The following AP3M2 variants were observed in gnomAD, a reference collection of about 807,000 sequenced individuals.
The protein encoded by AP3M2 is AP-3 complex subunit mu-2.
In AP3M2, 28 loss-of-function variants were observed where a neutral mutation model predicts 41.6. The ratio of observed to expected loss-of-function variants is 0.67; its 90% CI spans 0.50 to 0.92. AP3M2 has a LOEUF of 0.92. Ranked by LOEUF, AP3M2 falls within the 40% of genes least tolerant of loss-of-function variation. The probability of loss-of-function intolerance (pLI) is 0.00; values close to 1 mark genes in which losing one functional copy is unlikely to be tolerated. For synonymous variants in AP3M2, 193 were observed against 186.4 expected (o/e 1.04, Z -0.29); for missense variants, 427 against 521.4 (o/e 0.82, Z 1.76).
intron 7 of AP3M2, 21 bp downstream of exon 7, chr8:42,167,392 T>G (rs776081502): frequency 1.2e-6 from 2 of 1,610,778 alleles, no homozygotes; most frequent in Non-Finnish European, 1.7e-6. Context: ...GCAGGACATC[T>G]TGAATTGCTG....
intron 3 of AP3M2, among the ~76,000 whole-genome samples, chr8:42,161,601 T>TCGC (rs1417136890): frequency 6.6e-6 from 1 of 152,154 alleles, no homozygotes; most frequent in Non-Finnish European, 1.5e-5. Context: ...AGAGCGAGAC[T>TCGC]CTATCTAAAA....
chr8:42,155,890 T>C (rs1187920171), intron 2 of AP3M2: 3 of 431,094 alleles, frequency 7.0e-6, no homozygotes, highest in Non-Finnish European at 1.4e-5. Flanking sequence ...TTCCTTCTCT[T>C]GTACTCATAT....
At chr8:42,156,758 GTTCAGT>G (rs1347049066) in intron 2 of AP3M2, among the ~76,000 whole-genome samples, 1 of 152,054 alleles carries the variant, frequency 6.6e-6, no homozygotes, top group Non-Finnish European at 1.5e-5. Flanking sequence ...AGTAGAGTCT[GTTCAGT>G]TTTGGATGTC....
rs16891067 is a variant in AP3M2, at chr8:42,166,837, C to T, written c.804-327C>T. 2,403 of 289,216 alleles carry T rather than the reference C, an allele frequency of 8.3e-3. 55 individuals carry two copies. Among genetic ancestry groups the T allele is most frequent in the African/African-American group, 0.049 (2,272 of 46,186 alleles). 17.9% of individuals were successfully genotyped at this position (289,216 alleles called of 1,614,324 possible). A position where few individuals can be genotyped will look rare whatever the true frequency, so the allele number is the denominator to read the frequency against. ...TTATACTCCCCAGTGCAAATGATGA[C>T]TGGTCACATGTTACAAGTTAAAAAC... On this transcript the variant is annotated intron_variant, in intron 6 of 8. Transcript: ENST00000396926.
At chr8:42,160,969 C>T (rs1285837500) in intron 3 of AP3M2, among the ~76,000 whole-genome samples, 3 of 152,200 alleles carry the variant, frequency 2.0e-5, no homozygotes, top group Non-Finnish European at 2.9e-5. Flanking sequence ...AAGCCTGTAT[C>T]TCACTTTAAT....
At chr8:42,167,939 C>A in intron 8 of AP3M2, 129 bp downstream of exon 8, 1 of 1,181,520 alleles carries the variant, frequency 8.5e-7, no homozygotes, top group Non-Finnish European at 1.2e-6. Context: ...GATAAACAAT[C>A]TTTAGTAACA....
rs948713687 is a variant in AP3M2 at position 42,154,914 on chromosome 8, C to G, written c.227C>G (p.Pro76Arg). Reference protein sequence around the residue: ...FVAVIQTEVPPLFVIEFLHRV... With the variant: ...FVAVIQTEVPRLFVIEFLHRV... ...GCCGTGATCCAGACGGAGGTCCCCC[C>G]TCTGTTTGTCATTGAGTTTCTTCAC... Residue 76 changes from proline to arginine, a missense_variant, in exon 2 of 9, where the codon CCT (proline) becomes CGT (arginine). Transcript: ENST00000396926. 6.2e-7 allele frequency: 1 copy of G among 1,614,042 alleles called. No individual in the cohort carries two copies. The highest frequency in any genetic ancestry group is 8.5e-7 in the Non-Finnish European group (1 of 1,180,032).
intron 4 of AP3M2, among the ~76,000 whole-genome samples, chr8:42,163,087 G>T (rs1804552222): frequency 6.6e-6 from 1 of 151,714 alleles, no homozygotes; most frequent in African/African-American, 2.4e-5. Context: ...TTTTCTATGT[G>T]TTCTGAATTA....
At chr8:42,167,592 G>C in intron 7 of AP3M2, 74 bp from the exon 8 acceptor site, 2 of 1,541,998 alleles carry the variant, frequency 1.3e-6, no homozygotes, top group Non-Finnish European at 1.7e-6. Context: ...TTAGATCTCA[G>C]CCACCTCAAA....
chr8:42,166,600 A>AAAAAAAAAAAAAAAAAAAAAAAG (rs1804644319), intron 6 of AP3M2, among the ~76,000 whole-genome samples: 1 of 150,442 alleles, frequency 6.6e-6, no homozygotes, highest in South Asian at 2.1e-4. Context: ...ACAAAAAAAA[A>AAAAAAAAAAAAAAAAAAAAAAAG]AAAAAAAAAA....
At chr8:42,166,007 T>C (rs7830210) in intron 6 of AP3M2, among the ~76,000 whole-genome samples, 2,021 of 152,290 alleles carry the variant, frequency 0.013, 46 homozygotes, top group African/African-American at 0.046. Context: ...ATCTAAAGGC[T>C]TTTGGAAGCA....
intron 3 of AP3M2, among the ~76,000 whole-genome samples, chr8:42,161,268 A>G (rs1336739166): frequency 6.6e-6 from 1 of 152,100 alleles, no homozygotes; most frequent in Non-Finnish European, 1.5e-5. Context: ...GTGCCTGTGA[A>G]TAGCCACTGA....
Position 42,167,259 on chromosome 8 carries a change from C to T in AP3M2, c.899C>T (p.Thr300Met), listed in dbSNP as rs1395502636. 7 of 1,613,970 alleles carry T rather than the reference C, an allele frequency of 4.3e-6. No individual in the cohort carries two copies. Among genetic ancestry groups the T allele is most frequent in the Non-Finnish European group, 3.4e-6 (4 of 1,180,038 alleles). ...RFEITVGPKQ[T>M]MGKTIEGVTV... ...GAAATAACGGTGGGACCCAAGCAGA[C>T]GATGGGGAAGACCATTGAGGGAGTG... Residue 300 changes from threonine (T) to methionine (M), a missense_variant, in exon 7 of 9, where the codon ACG becomes ATG. By Grantham distance (81) the Thr-to-Met change is moderately conservative. This residue lies in a region of AP3M2 where 237 missense variants were observed against 284.9 expected (regional missense o/e 0.83). Coordinates refer to ENST00000396926, the MANE Select transcript of AP3M2 (RefSeq NM_006803.4).
chr8:42,162,186 G>GCCT (rs1194719684), intron 3 of AP3M2, 95 bp from the exon 4 acceptor site: 17 of 1,234,042 alleles, frequency 1.4e-5, no homozygotes, highest in Admixed American at 2.6e-5. Flanking sequence ...TCAATTGAGT[G>GCCT]CATGAATAGT....
At chr8:42,156,960 C>T (rs1804370312) in intron 2 of AP3M2, among the ~76,000 whole-genome samples, 2 of 152,058 alleles carry the variant, frequency 1.3e-5, no homozygotes, top group African/African-American at 2.4e-5. Flanking sequence ...TTCAGTTTAG[C>T]AAAAGAAAGA....
intron 4 of AP3M2, among the ~76,000 whole-genome samples, chr8:42,164,013 T>C (rs1345426488): frequency 1.3e-5 from 2 of 152,168 alleles, no homozygotes; most frequent in African/African-American, 2.4e-5. Context: ...TGAGTCTGGC[T>C]GCTGTGTGAA....
intron 7 of AP3M2, 139 bp downstream of exon 7, chr8:42,167,510 A>T (rs1804672898): frequency 1.5e-6 from 2 of 1,349,170 alleles, no homozygotes; most frequent in Non-Finnish European, 2.0e-6. Flanking sequence ...GTAACTTAAC[A>T]GTAACACGTA....
intron 1 of AP3M2, chr8:42,154,313 C>T (rs1271755313): frequency 6.4e-5 from 12 of 188,824 alleles, no homozygotes; most frequent in Non-Finnish European, 1.1e-5. Flanking sequence ...CAACGCAAAA[C>T]ATGAGGCACG....
chr8:42,166,509 A>T (rs950650373), intron 6 of AP3M2, among the ~76,000 whole-genome samples: 3 of 146,398 alleles, frequency 2.0e-5, no homozygotes, highest in Non-Finnish European at 3.0e-5. Flanking sequence ...AAAGCATTCT[A>T]AAAAAATTAT....
Sources: gnomAD v4.1 joint callset for allele counts (sites outside exome capture counted in the v4.1 genomes callset) on GRCh38, gnomAD v4.1.1 for gene constraint, gnomAD v4.1.1 regional missense constraint, MANE v1.5 for transcripts, NCBI Gene and HGNC (gene_info 2026-07-23, HGNC 2026-07-21) for gene names.